PLAGL1: variants seen among roughly 807,000 people sequenced by gnomAD.
The protein encoded by PLAGL1 is zinc finger protein PLAGL1.
Under a neutral mutation model 4.6 loss-of-function variants are expected in PLAGL1, and 1 was observed. The observed-to-expected ratio is 0.22, with a 90% CI of 0.08 to 1.03. The LOEUF is 1.03. PLAGL1 is among the 50% of genes least tolerant of loss of function. PLAGL1 has a pLI of 0.58. For missense variants in PLAGL1, 464 were observed against 570.4 expected (o/e 0.81, Z 1.90); for synonymous variants, 240 against 237.8 (o/e 1.01, Z -0.08).
intron 7 of PLAGL1, among the ~76,000 whole-genome samples, chr6:143,943,031 A>ATCTTTTTTTTTTTTT (rs1778980952): frequency 1.5e-5 from 1 of 64,646 alleles, no homozygotes; most frequent in East Asian, 6.9e-4. Flanking sequence ...GGCCTGGCTA[A>ATCTTTTTTTTTTTTT]TTTTTTTTTT....
Position 144,018,478 on chromosome 6 carries a change from G to A in PLAGL1, c.-151+45990C>T, listed in dbSNP as rs576561355. On this transcript the variant is annotated intron_variant, in intron 1 of 3. Coordinates refer to the PLAGL1 transcript ENST00000437412. ...TCCAGTGTACACTATGGTGACTATC[G>A]TTAATATAATTTATTGTATACTTGA... is the stretch of plus-strand genomic sequence containing the variant. Among the ~76,000 whole-genome samples, 5 of 152,236 alleles carry A rather than the reference G, an allele frequency of 3.3e-5. No homozygotes were observed. In the South Asian group the frequency reaches 6.2e-4, roughly 19 times the overall value.
chr6:143,974,010 G>A (rs189897404), intron 2 of PLAGL1, among the ~76,000 whole-genome samples: 31 of 152,328 alleles, frequency 2.0e-4, no homozygotes, highest in Admixed American at 1.6e-3. Flanking sequence ...GTGTATAAAT[G>A]AGTTGTGTGT....
upstream of PLAGL1, among the ~76,000 whole-genome samples, chr6:144,012,203 T>A (rs766657512): frequency 2.0e-5 from 3 of 152,096 alleles, no homozygotes; most frequent in African/African-American, 4.8e-5. This position sits in a 1 kb window ranked among gnomAD's most constrained non-coding sequence, Gnocchi z 4.8. Flanking sequence ...TTTCTTTCCT[T>A]TGGGTGATTT....
Position 143,957,122 on chromosome 6 carries a change from A to G in PLAGL1, c.-325+3347T>C, listed in dbSNP as rs920353436. Among the ~76,000 whole-genome samples, 1 of 152,234 alleles carries G rather than the reference A, an allele frequency of 6.6e-6. No homozygotes were observed. The highest frequency in any genetic ancestry group is 2.4e-5 in the African/African-American group (1 of 41,462). ...ACAGGCCTCCTCACCTCTCCCCACC[A>G]TATGCATTGTATTTTTAAATAGAAA... On this transcript the variant is annotated intron_variant, in intron 6 of 7. Transcript: ENST00000674357. This position sits in a 1 kb window ranked among gnomAD's most constrained non-coding sequence, Gnocchi z 4.2.
chr6:144,047,533 G>A (rs970304920), intron 1 of PLAGL1, among the ~76,000 whole-genome samples: 11 of 152,132 alleles, frequency 7.2e-5, no homozygotes, highest in Non-Finnish European at 1.3e-4. Context: ...ATGGCAGAAG[G>A]GGAAGAGGCA....
rs1791132728 is a variant in PLAGL1 at position 143,994,056 on chromosome 6, A to C, written c.-583-8882T>G. Among the ~76,000 whole-genome samples, 1 of 152,050 alleles carries C rather than the reference A, an allele frequency of 6.6e-6. No homozygotes were observed. The highest frequency in any genetic ancestry group is 6.5e-5 in the Admixed American group (1 of 15,274). On this transcript the variant is annotated intron_variant, in intron 1 of 7. Coordinates refer to ENST00000674357, the MANE Select transcript of PLAGL1 (RefSeq NM_001317162.2). The surrounding 1 kb of genome is among the most constrained non-coding windows in gnomAD (Gnocchi z 4.3). ...TGGCTAAGGAAAAAAAAAAAAAGAA[A>C]AGAACTCCCTAGGGGCAAGGCCAGT...
Position 144,027,670 on chromosome 6 carries a change from A to C in PLAGL1, c.-151+36798T>G, listed in dbSNP as rs1310945862. On this transcript the variant is annotated intron_variant, in intron 1 of 3. Coordinates refer to the PLAGL1 transcript ENST00000437412. This position sits in a 1 kb window ranked among gnomAD's most constrained non-coding sequence, Gnocchi z 5.8. The stretch of plus-strand genomic sequence containing the variant: ...CAAATATAACCTCTTGCTCCAACAG[A>C]TGAAAGCTCCTTTAAGTGTTCTTGT... 6.6e-6 allele frequency among the ~76,000 whole-genome samples: 1 copy of C among 152,252 alleles called. No homozygotes were observed. The highest frequency in any genetic ancestry group is 2.4e-5 in the African/African-American group (1 of 41,466).
rs1259490899 is a variant in PLAGL1 at position 143,975,207 on chromosome 6, A to G, written c.-543-6229T>C. On this transcript the variant is annotated intron_variant, in intron 2 of 7. Coordinates refer to ENST00000674357, the MANE Select transcript of PLAGL1 (RefSeq NM_001317162.2). The surrounding 1 kb of genome is among the most constrained non-coding windows in gnomAD (Gnocchi z 5.8). Reference sequence around the variant, plus strand: ...CCATGTACTGGGGATATAATCATTCACTGGAGTTCTCTCACCAAGGTTATA... The same window carrying G: ...CCATGTACTGGGGATATAATCATTCGCTGGAGTTCTCTCACCAAGGTTATA... Among the ~76,000 whole-genome samples the G allele has an allele frequency of 2.0e-5, 3 of 152,178 alleles. No individual in the cohort carries two copies. The highest frequency in any genetic ancestry group is 7.2e-5 in the African/African-American group (3 of 41,442).
chr6:143,941,767 T>C lies in PLAGL1; in HGVS notation c.1049A>G (p.Asp350Gly), dbSNP rs1348557631. 2 of 1,614,234 alleles carry C rather than the reference T, an allele frequency of 1.2e-6. No individual in the cohort carries two copies. Among genetic ancestry groups the C allele is most frequent in the Admixed American group, 3.3e-5 (2 of 60,032 alleles). Reference protein sequence around the residue: ...QSPQKLNPGFDLAKGNAGKVN... With the variant: ...QSPQKLNPGFGLAKGNAGKVN... The stretch of plus-strand genomic sequence containing the variant: ...TTTACCAGCATTTCCCTTAGCCAGA[T>C]CAAAACCTGGGTTGAGCTTTTGAGG... Residue 350 changes from aspartate (D) to glycine (G), a missense_variant, in exon 8 of 8, where the codon GAT becomes GGT. Coordinates refer to ENST00000674357, the MANE Select transcript of PLAGL1 (RefSeq NM_001317162.2). The surrounding 1 kb of genome is among the most constrained non-coding windows in gnomAD (Gnocchi z 6.0).
rs1050198688 is a variant in PLAGL1, at chr6:143,950,175, C to A, written c.-324-1715G>T. 2.0e-5 allele frequency among the ~76,000 whole-genome samples: 3 copies of A among 152,146 alleles called. No homozygotes were observed. Among genetic ancestry groups the A allele is most frequent in the African/African-American group, 7.2e-5 (3 of 41,450 alleles). On this transcript the variant is annotated intron_variant, in intron 6 of 7. Coordinates refer to ENST00000674357, the MANE Select transcript of PLAGL1 (RefSeq NM_001317162.2). This position sits in a 1 kb window ranked among gnomAD's most constrained non-coding sequence, Gnocchi z 6.3. ...GCGCTAATCCAAACCAGGGGACACA[C>A]AGGAGTCCTCGGCCAGCACCTTGGC...
intron 1 of PLAGL1, among the ~76,000 whole-genome samples, chr6:143,993,370 A>AC (rs1790947795): frequency 6.8e-6 from 1 of 147,516 alleles, no homozygotes; most frequent in South Asian, 2.2e-4. Context: ...ACACACACAC[A>AC]ATTGACATGT....
chr6:144,064,138 T>G lies in PLAGL1; in HGVS notation c.-151+330A>C, dbSNP rs1407881451. Among the ~76,000 whole-genome samples the G allele has an allele frequency of 6.6e-6, 1 of 151,862 alleles. No homozygotes were observed. Among genetic ancestry groups the G allele is most frequent in the Non-Finnish European group, 1.5e-5 (1 of 67,928 alleles). ...GGCGGGGCGGGCGCTAGGTGGCGGC[T>G]GTTCAGCTCCCACGTCACCCGGCCC... On this transcript the variant is annotated intron_variant, in intron 1 of 3. Transcript: ENST00000437412. The surrounding 1 kb of genome is among the most constrained non-coding windows in gnomAD (Gnocchi z 6.8).
Position 143,978,688 on chromosome 6 carries a change from T to C in PLAGL1, c.-544+6447A>G, listed in dbSNP as rs562726162. Among the ~76,000 whole-genome samples, 2 of 152,362 alleles carry C rather than the reference T, an allele frequency of 1.3e-5. No homozygotes were observed. The highest frequency in any genetic ancestry group is 2.1e-4 in the South Asian group (1 of 4,832). ...TGGTCAGTGAACACTCTTTGTATGA[T>C]TTAAATCCTTCAGAATTAATTGACT... is the stretch of plus-strand genomic sequence containing the variant. On this transcript the variant is annotated intron_variant, in intron 2 of 7. Transcript: ENST00000674357. This position sits in a 1 kb window ranked among gnomAD's most constrained non-coding sequence, Gnocchi z 4.6.
In PLAGL1 at chr6:143,982,423, G is replaced by A. The variant is rs1035125292; in HGVS notation, c.-544+2712C>T. ...TAAAAGATTAGGCCAGAAGTAATGG[G>A]ACCCATAGCACATAGGAGATGATAA... On this transcript the variant is annotated intron_variant, in intron 2 of 7. Coordinates refer to ENST00000674357, the MANE Select transcript of PLAGL1 (RefSeq NM_001317162.2). This position sits in a 1 kb window ranked among gnomAD's most constrained non-coding sequence, Gnocchi z 5.3. 4.6e-5 allele frequency among the ~76,000 whole-genome samples: 7 copies of A among 152,156 alleles called. No homozygotes were observed. The highest frequency in any genetic ancestry group is 1.0e-4 in the Non-Finnish European group (7 of 68,020).
intron 1 of PLAGL1, among the ~76,000 whole-genome samples, chr6:143,991,374 G>A (rs1790440176): frequency 6.6e-6 from 1 of 152,130 alleles, no homozygotes; most frequent in Non-Finnish European, 1.5e-5. Context: ...TGGACTTCTT[G>A]GAGTCTGTAC....
intron 1 of PLAGL1, among the ~76,000 whole-genome samples, chr6:144,023,273 T>A (rs1333447847): frequency 2.0e-5 from 3 of 152,214 alleles, no homozygotes; most frequent in Admixed American, 6.5e-5. Context: ...TTTGGGGATT[T>A]TTTTTTAGGA....
At chr6:144,009,610 C>T (rs1397835060), upstream of PLAGL1, among the ~76,000 whole-genome samples, 2 of 152,154 alleles carry the variant, frequency 1.3e-5, no homozygotes, top group African/African-American at 4.8e-5. Context: ...TGGTTTGCTG[C>T]ACTCATCAAC....
At position 143,953,678 on chromosome 6, in the gene PLAGL1, G is replaced by T. The variant is rs1781511323; in HGVS notation, c.-324-5218C>A. 6.6e-6 allele frequency among the ~76,000 whole-genome samples: 1 copy of T among 152,144 alleles called. No individual in the cohort carries two copies. Among genetic ancestry groups the T allele is most frequent in the Non-Finnish European group, 1.5e-5 (1 of 68,024 alleles). On this transcript the variant is annotated intron_variant, in intron 6 of 7. Coordinates refer to ENST00000674357, the MANE Select transcript of PLAGL1 (RefSeq NM_001317162.2). This position sits in a 1 kb window ranked among gnomAD's most constrained non-coding sequence, Gnocchi z 5.3. ...TTCTAAAACACAGCCTAATATAAAA[G>T]GGAGAAAACAACAAATTTTGGAAGC...
At position 144,034,627 on chromosome 6, in the gene PLAGL1, C is replaced by A. The variant is rs758100581; in HGVS notation, c.-151+29841G>T. Among the ~76,000 whole-genome samples the A allele has an allele frequency of 1.3e-5, 2 of 152,068 alleles. No homozygotes were observed. The highest frequency in any genetic ancestry group is 1.9e-4 in the East Asian group (1 of 5,194). On this transcript the variant is annotated intron_variant, in intron 1 of 3. Coordinates refer to the PLAGL1 transcript ENST00000437412. The surrounding 1 kb of genome is among the most constrained non-coding windows in gnomAD (Gnocchi z 4.7). ...CAAATTGTCATTATGCAATAATGAA[C>A]CTTGGACAGCCAAAATTTCATCTAC...
Sources: allele counts gnomAD v4.1 joint callset (sites outside exome capture counted in the v4.1 genomes callset), GRCh38; gene constraint gnomAD v4.1.1; non-coding constraint Gnocchi (gnomAD v3.1); transcripts MANE v1.5; gene names NCBI Gene and HGNC (gene_info 2026-07-23, HGNC 2026-07-21).